SAMMSON: variants seen among roughly 807,000 people sequenced by gnomAD.
SAMMSON encodes survival associated mitochondrial melanoma specific oncogenic non-coding RNA, also known as long intergenic non-protein coding RNA 1212.
chr3:70,215,522 A>G (rs866862146), intron 4 of SAMMSON, among the ~76,000 whole-genome samples: 9 of 152,186 alleles, frequency 5.9e-5, no homozygotes, highest in Middle Eastern at 3.4e-3. Context: ...TTCCAAACTT[A>G]GCCCTCAAAG....
chr3:70,040,213 TATC>T (rs991108110), intron 3 of SAMMSON, among the ~76,000 whole-genome samples: 1 of 152,166 alleles, frequency 6.6e-6, no homozygotes, highest in African/African-American at 2.4e-5. Flanking sequence ...CTAAAATTGA[TATC>T]ATACACAGAA....
chr3:70,129,837 A>G (rs7340562), intron 4 of SAMMSON, among the ~76,000 whole-genome samples: 50,676 of 152,036 alleles, frequency 0.33, 9,280 homozygotes, highest in East Asian at 0.7. Flanking sequence ...CTTTGAAAAC[A>G]GTTAGACTTT....
At chr3:70,388,524 T>C (rs1254558022) in intron 9 of SAMMSON, among the ~76,000 whole-genome samples, 1 of 152,144 alleles carries the variant, frequency 6.6e-6, no homozygotes, top group Non-Finnish European at 1.5e-5. Context: ...CTCTTGTCCA[T>C]TGCTATTTCT....
chr3:70,210,240 A>G (rs911485084), intron 4 of SAMMSON, among the ~76,000 whole-genome samples: 9 of 152,270 alleles, frequency 5.9e-5, no homozygotes, highest in Admixed American at 2.6e-4. Context: ...TTAAGCAACC[A>G]TTTGGAGCAC....
At chr3:70,202,857 T>C (rs1439916961) in intron 4 of SAMMSON, among the ~76,000 whole-genome samples, 1 of 152,056 alleles carries the variant, frequency 6.6e-6, no homozygotes, top group Non-Finnish European at 1.5e-5. Context: ...AGAATCTCTC[T>C]CACTAGAAAG....
chr3:70,294,768 T>C (rs1702274142), intron 7 of SAMMSON, among the ~76,000 whole-genome samples: 1 of 152,112 alleles, frequency 6.6e-6, no homozygotes. Context: ...TCCATGTCAT[T>C]TTAGGTTAGA....
chr3:70,162,377 T>A (rs2067618973), intron 4 of SAMMSON, among the ~76,000 whole-genome samples: 1 of 151,964 alleles, frequency 6.6e-6, no homozygotes, highest in Non-Finnish European at 1.5e-5. Context: ...ATTTCCCTTG[T>A]GATTTCTTCT....
intron 4 of SAMMSON, among the ~76,000 whole-genome samples, chr3:70,170,681 G>A (rs887231606): frequency 2.1e-5 from 3 of 141,540 alleles, no homozygotes; most frequent in Non-Finnish European, 4.5e-5. Flanking sequence ...AAAGGAAATT[G>A]TGAAGGACAT....
intron 7 of SAMMSON, among the ~76,000 whole-genome samples, chr3:70,301,338 A>G (rs751317843): frequency 3.9e-5 from 6 of 152,128 alleles, no homozygotes; most frequent in Non-Finnish European, 7.4e-5. Context: ...GAGAGATTTC[A>G]TACTGCAAAA....
chr3:70,274,425 A>G (rs368131619), intron 6 of SAMMSON, among the ~76,000 whole-genome samples: 19 of 150,846 alleles, frequency 1.3e-4, no homozygotes, highest in Admixed American at 7.2e-4. Context: ...TTTTAATGAC[A>G]TTGTTCATCA....
rs145682533 is a variant in SAMMSON at position 70,432,157 on chromosome 3, A to G, written n.234-30403A>G. Among the ~76,000 whole-genome samples, 10 of 152,072 alleles carry G rather than the reference A, an allele frequency of 6.6e-5. No homozygotes were observed. In the East Asian group the frequency reaches 1.9e-3, roughly 29 times the overall value. The stretch of plus-strand genomic sequence containing the variant: ...GGAATTTGTATCATTTTACATTTCC[A>G]CCAGCAATGTATGAGAGTTCCAGTT... On this transcript the variant is annotated intron_variant and non_coding_transcript_variant, in intron 2 of 3. Coordinates refer to the SAMMSON transcript ENST00000641053.
chr3:70,284,084 G>T (rs555929244), intron 6 of SAMMSON, among the ~76,000 whole-genome samples: 1 of 152,136 alleles, frequency 6.6e-6, no homozygotes, highest in East Asian at 1.9e-4. Context: ...ACCTCAGTTG[G>T]ACTGGTTTTC....
At chr3:70,308,028 A>G (rs1158944336) in intron 7 of SAMMSON, among the ~76,000 whole-genome samples, 1 of 152,036 alleles carries the variant, frequency 6.6e-6, no homozygotes, top group Non-Finnish European at 1.5e-5. Context: ...AGTTTGCATA[A>G]TGCAGCTCAT....
chr3:70,254,318 A>G (rs1021385024), intron 6 of SAMMSON, among the ~76,000 whole-genome samples: 3 of 152,172 alleles, frequency 2.0e-5, no homozygotes, highest in Non-Finnish European at 4.4e-5. Flanking sequence ...TCAACCCCAA[A>G]CATTCTAAAA....
At chr3:70,395,594 A>G (rs143462687) in intron 2 of SAMMSON, among the ~76,000 whole-genome samples, 1 of 152,180 alleles carries the variant, frequency 6.6e-6, no homozygotes, top group African/African-American at 2.4e-5. Flanking sequence ...TCTACTCAGA[A>G]ATCTACTTGA....
intron 3 of SAMMSON, among the ~76,000 whole-genome samples, chr3:70,015,886 C>T (rs533968857): frequency 1.3e-5 from 2 of 152,258 alleles, no homozygotes; most frequent in South Asian, 4.2e-4. Context: ...CTACAAAGGA[C>T]ATGAACTCAT....
chr3:70,001,329 G>T (rs1475582807), intron 1 of SAMMSON, among the ~76,000 whole-genome samples: 1 of 151,812 alleles, frequency 6.6e-6, no homozygotes, highest in Non-Finnish European at 1.5e-5. Context: ...TTTATTATGT[G>T]CCTCCTGTGT....
At chr3:70,312,726 G>T (rs955122062) in intron 7 of SAMMSON, 1 of 147,398 alleles carries the variant, frequency 6.8e-6, no homozygotes, top group African/African-American at 2.5e-5. Context: ...TCTAACTTGC[G>T]GCCGAGAGTT....
intron 4 of SAMMSON, among the ~76,000 whole-genome samples, chr3:70,135,793 C>T (rs2106677264): frequency 6.6e-6 from 1 of 152,198 alleles, no homozygotes; most frequent in African/African-American, 2.4e-5. Context: ...TATGTATATA[C>T]TTTGTCAAGA....
Sources: allele counts gnomAD v4.1 joint callset (sites outside exome capture counted in the v4.1 genomes callset), GRCh38; gene constraint gnomAD v4.1.1; transcripts MANE v1.5; gene names NCBI Gene and HGNC (gene_info 2026-07-23, HGNC 2026-07-21).